The following CD68 variants were observed in gnomAD, a reference collection of about 807,000 sequenced individuals.
CD68 encodes the protein macrosialin.
A neutral mutation model predicts 31.3 loss-of-function variants in CD68; 24 were observed. That is an observed-to-expected ratio of 0.77 (90% CI 0.55 to 1.08). The LOEUF (loss-of-function observed/expected upper bound fraction) is 1.08. Ranked by LOEUF, CD68 falls within the 50% of genes least tolerant of loss-of-function variation. The pLI is 0.00. For missense variants in CD68, 461 were observed against 442.5 expected (o/e 1.04, Z -0.38); for synonymous variants, 190 against 179.6 (o/e 1.06, Z -0.46).
At position 7,582,096 on chromosome 17, in the gene CD68, C is replaced by T; in HGVS notation, c.*585C>T. 2 of 584,464 alleles carry T rather than the reference C, an allele frequency of 3.4e-6. No individual in the cohort carries two copies. Among genetic ancestry groups the T allele is most frequent in the Non-Finnish European group, 4.2e-6 (2 of 476,520 alleles). The allele number at this position is 584,464 out of a possible 1,614,324, so 36.2% of individuals were successfully genotyped here. ...TCCTTGTCCTGCCAGGATTAAAAGC[C>T]ATGAGTTTCTTGTCACATGCCTTTC... On this transcript the variant is annotated 3_prime_UTR_variant, in exon 6 of 6. Coordinates refer to ENST00000250092, the MANE Select transcript of CD68 (RefSeq NM_001251.3).
chr17:7,581,551 TGTG>T lies in CD68; in HGVS notation c.*45_*47del. On this transcript the variant is annotated 3_prime_UTR_variant, in exon 6 of 6. Transcript: ENST00000250092. ...CCCCAGGGCACTGAGGGGGTTGGGG[TGTG>T]GTGGGGGGGTACCCTTATTTCCTCG... 1 of 1,606,104 alleles carries T rather than the reference TGTG, an allele frequency of 6.2e-7. No homozygotes were observed. Among genetic ancestry groups the T allele is most frequent in the South Asian group, 1.1e-5 (1 of 90,942 alleles).
Position 7,580,071 on chromosome 17 carries a change from C to T in CD68, c.311C>T (p.Pro104Leu), listed in dbSNP as rs1343936950. 6.2e-7 allele frequency: 1 copy of T among 1,613,858 alleles called. No individual in the cohort carries two copies. The highest frequency in any genetic ancestry group is 1.7e-5 in the Admixed American group (1 of 59,972). The change falls in exon 2 of 6, where the codon CCC becomes CTC. Residue 104 changes from proline (P) to leucine (L), a missense_variant. Transcript: ENST00000250092. This position sits in a 1 kb window ranked among gnomAD's most constrained non-coding sequence, Gnocchi z 4.3. ...TSNSTATSQG[P>L]STATHSPATT... Reference sequence around the variant, plus strand: ...AATAGCACTGCCACCAGCCAGGGACCCTCAACTGCCACTCACAGTCCTGCC... The same window carrying T: ...AATAGCACTGCCACCAGCCAGGGACTCTCAACTGCCACTCACAGTCCTGCC...
At position 7,580,019 on chromosome 17, in the gene CD68, G is replaced by A. The variant is rs536221420; in HGVS notation, c.259G>A (p.Gly87Arg). The change falls in exon 2 of 6, where the codon GGA (glycine) becomes AGA (arginine). Residue 87 changes from glycine (G) to arginine (R), a missense_variant. Gly to Arg is a moderately radical substitution (Grantham distance 125). Coordinates refer to ENST00000250092, the MANE Select transcript of CD68 (RefSeq NM_001251.3). This position sits in a 1 kb window ranked among gnomAD's most constrained non-coding sequence, Gnocchi z 4.3. ...TCACAACCCCACCACCACCAGCCATGGAAACGTCACAGTTCATCCAACAAG... is the reference window on the plus strand; with the variant it reads ...TCACAACCCCACCACCACCAGCCATAGAAACGTCACAGTTCATCCAACAAG... The part of the protein sequence containing the change: ...ATHNPTTTSH[G>R]NVTVHPTSNS... 4.7e-5 allele frequency: 76 copies of A among 1,613,344 alleles called. No individual in the cohort carries two copies. The South Asian group carries it at 7.8e-4, about 17-fold the overall frequency.
chr17:7,580,431 C>T lies in CD68; in HGVS notation c.568-35C>T, dbSNP rs779100161. The T allele has an allele frequency of 6.8e-6, 11 of 1,612,560 alleles. No individual in the cohort carries two copies. The highest frequency in any genetic ancestry group is 8.5e-6 in the Non-Finnish European group (10 of 1,178,978). ...AGGGAACCTTGGCCGGCATCGCATG[C>T]AGTCTTGTGACCTTCCAGTCTTTAA... is the stretch of plus-strand genomic sequence containing the variant. On this transcript the variant is annotated intron_variant, in intron 2 of 5. Coordinates refer to ENST00000250092, the MANE Select transcript of CD68 (RefSeq NM_001251.3). The surrounding 1 kb of genome is among the most constrained non-coding windows in gnomAD (Gnocchi z 4.3).
chr17:7,581,402 C>T lies in CD68; in HGVS notation c.956C>T (p.Ser319Phe). 1 of 1,614,162 alleles carries T rather than the reference C, an allele frequency of 6.2e-7. No homozygotes were observed. The highest frequency in any genetic ancestry group is 8.5e-7 in the Non-Finnish European group (1 of 1,180,020). ...GQSFSCPSDRSILLPLIIGLI... is the reference protein window; with the variant it reads ...GQSFSCPSDRFILLPLIIGLI... ...GGTTTCTCCTGCCCCAGTGACCGGTCCATCTTGCTGCCTCTCATCATCGGC... is the reference window on the plus strand; with the variant it reads ...GGTTTCTCCTGCCCCAGTGACCGGTTCATCTTGCTGCCTCTCATCATCGGC... Residue 319 changes from serine to phenylalanine, a missense_variant, in exon 6 of 6, where the codon TCC (serine) becomes TTC (phenylalanine). By Grantham distance (155) the Ser-to-Phe change is radical (BLOSUM62 -2). Transcript: ENST00000250092.
chr17:7,579,845 T>C lies in CD68; in HGVS notation c.85T>C (p.Ser29Pro). 6.2e-7 allele frequency: 1 copy of C among 1,613,698 alleles called. No individual in the cohort carries two copies. The highest frequency in any genetic ancestry group is 8.5e-7 in the Non-Finnish European group (1 of 1,179,880). ...GTGNDCPHKKSATLLPSFTVT... is the reference protein window; with the variant it reads ...GTGNDCPHKKPATLLPSFTVT... ...AGGGAATGACTGTCCTCACAAAAAA[T>C]CAGCTACTTTGCTGCCATCCTTCAC... The change falls in exon 2 of 6, where the codon TCA (serine) becomes CCA (proline). Residue 29 changes from serine (S) to proline (P), a missense_variant. By Grantham distance (74) the Ser-to-Pro change is moderately conservative (BLOSUM62 -1). Transcript: ENST00000250092.
Position 7,580,005 on chromosome 17 carries a change from C to T in CD68, c.245C>T (p.Thr82Ile). 6.2e-7 allele frequency: 1 copy of T among 1,609,224 alleles called. No individual in the cohort carries two copies. The highest frequency in any genetic ancestry group is 8.5e-7 in the Non-Finnish European group (1 of 1,175,950). The change falls in exon 2 of 6, where the codon ACC becomes ATC. Residue 82 changes from threonine (T) to isoleucine (I), a missense_variant. By Grantham distance (89) the Thr-to-Ile change is moderately conservative (BLOSUM62 -1). Transcript: ENST00000250092. This position sits in a 1 kb window ranked among gnomAD's most constrained non-coding sequence, Gnocchi z 4.3. ...HGPTTATHNPTTTSHGNVTVH... is the reference protein window; with the variant it reads ...HGPTTATHNPITTSHGNVTVH... The stretch of plus-strand genomic sequence containing the variant: ...CCCACGACTGCCACTCACAACCCCA[C>T]CACCACCAGCCATGGAAACGTCACA...
In CD68 at chr17:7,582,080, T is replaced by C. The variant is rs1241489744; in HGVS notation, c.*569T>C. On this transcript the variant is annotated 3_prime_UTR_variant, in exon 6 of 6. Coordinates refer to ENST00000250092, the MANE Select transcript of CD68 (RefSeq NM_001251.3). ...ATCTTTGACGGGGTTTTCCTTGTCC[T>C]GCCAGGATTAAAAGCCATGAGTTTC... 3 of 401,994 alleles carry C rather than the reference T, an allele frequency of 7.5e-6. No individual in the cohort carries two copies. The highest frequency in any genetic ancestry group is 9.7e-6 in the Non-Finnish European group (3 of 310,830). 24.9% of individuals were successfully genotyped at this position (401,994 alleles called of 1,614,324 possible).
rs543602873 is a variant in CD68, at chr17:7,579,692, G to C, written c.15G>C (p.Val5=). MRLA[V]LFSGALLGLL... ...GCGGTTCAGCCATGAGGCTGGCTGT[G>C]CTTTTCTCGGGGGCCCTGCTGGGGC... Residue 5 remains valine, a synonymous_variant, in exon 1 of 6, where the codon GTG becomes GTC. Coordinates refer to ENST00000250092, the MANE Select transcript of CD68 (RefSeq NM_001251.3). 5 of 1,604,202 alleles carry C rather than the reference G, an allele frequency of 3.1e-6. No individual in the cohort carries two copies. In the Admixed American group the frequency reaches 8.7e-5, roughly 28 times the overall value.
Position 7,579,820 on chromosome 17 carries a change from A to G in CD68, c.60A>G (p.Thr20=). 6.2e-7 allele frequency: 1 copy of G among 1,613,312 alleles called. No individual in the cohort carries two copies. The highest frequency in any genetic ancestry group is 1.1e-5 in the South Asian group (1 of 91,026). Residue 20 remains threonine, a synonymous_variant, in exon 2 of 6, where the codon ACA becomes ACG. Coordinates refer to ENST00000250092, the MANE Select transcript of CD68 (RefSeq NM_001251.3). ...CCTCTCTGCCAAAAGCCCAGGGGAC[A>G]GGGAATGACTGTCCTCACAAAAAAT... ...ALLGLLAAQG[T]GNDCPHKKSA...
chr17:7,581,087 C>T (rs1411284173), intron 5 of CD68, 21 bp downstream of exon 5: 1 of 1,604,016 alleles, frequency 6.2e-7, no homozygotes, highest in Admixed American at 1.7e-5. Flanking sequence ...CCTACTCCTT[C>T]CCTCCTAGAA....
chr17:7,581,544 G>GT lies in CD68; in HGVS notation c.*35dup. ...CTTCAAACCCCAGGGCACTGAGGGG[G>GT]TTGGGGTGTGGTGGGGGGGTACCCT... is the stretch of plus-strand genomic sequence containing the variant. On this transcript the variant is annotated 3_prime_UTR_variant, in exon 6 of 6. Transcript: ENST00000250092. 6.2e-7 allele frequency: 1 copy of GT among 1,601,694 alleles called. No individual in the cohort carries two copies. Among genetic ancestry groups the GT allele is most frequent in the East Asian group, 2.2e-5 (1 of 44,750 alleles).
In CD68 at chr17:7,580,120, G is replaced by A. The variant is rs766909878; in HGVS notation, c.360G>A (p.Thr120=). 8 of 1,613,838 alleles carry A rather than the reference G, an allele frequency of 5.0e-6. No individual in the cohort carries two copies. In the Admixed American group the frequency reaches 5.0e-5, roughly 10 times the overall value. Residue 120 remains threonine, a synonymous_variant, in exon 2 of 6, where the codon ACG becomes ACA. Coordinates refer to ENST00000250092, the MANE Select transcript of CD68 (RefSeq NM_001251.3). The surrounding 1 kb of genome is among the most constrained non-coding windows in gnomAD (Gnocchi z 4.3). ...SPATTSHGNA[T]VHPTSNSTAT... is the part of the protein sequence containing the mutation. ...CCACCACTAGTCATGGAAATGCCAC[G>A]GTTCATCCAACAAGCAACAGCACTG...
Position 7,579,883 on chromosome 17 carries a change from G to A in CD68, c.123G>A (p.Thr41=), listed in dbSNP as rs1286783763. The change falls in exon 2 of 6, where the codon ACG becomes ACA. Residue 41 remains threonine, a synonymous_variant. Coordinates refer to ENST00000250092, the MANE Select transcript of CD68 (RefSeq NM_001251.3). ...TLLPSFTVTP[T]VTESTGTTSH... is the part of the protein sequence containing the mutation. ...TGCCATCCTTCACGGTGACACCCAC[G>A]GTTACAGAGAGCACTGGAACAACCA... The A allele has an allele frequency of 6.2e-6, 10 of 1,613,958 alleles. No individual in the cohort carries two copies. The highest frequency in any genetic ancestry group is 2.2e-5 in the East Asian group (1 of 44,878).
intron 5 of CD68, 151 bp downstream of exon 5, chr17:7,581,217 T>C (rs946060752): frequency 2.6e-6 from 3 of 1,151,504 alleles, no homozygotes; most frequent in Admixed American, 1.9e-5. Context: ...CTTTCCATCC[T>C]CTACAAGACT....
Position 7,579,960 on chromosome 17 carries a change from C to T in CD68, c.200C>T (p.Thr67Ile). The T allele has an allele frequency of 1.9e-6, 3 of 1,614,012 alleles. No homozygotes were observed. Among genetic ancestry groups the T allele is most frequent in the Admixed American group, 1.7e-5 (1 of 59,980 alleles). The stretch of plus-strand genomic sequence containing the variant: ...ACCACCACTCACAGGACAACCACCA[C>T]AGGCACCACCAGCCACGGACCCACG... Reference protein sequence around the residue: ...HKTTTHRTTTTGTTSHGPTTA... With the variant: ...HKTTTHRTTTIGTTSHGPTTA... The change falls in exon 2 of 6, where the codon ACA becomes ATA. Residue 67 changes from threonine (T) to isoleucine (I), a missense_variant. Transcript: ENST00000250092.
Position 7,581,659 on chromosome 17 carries a change from T to C in CD68, c.*148T>C, listed in dbSNP as rs2071487205. 4.7e-6 allele frequency: 4 copies of C among 847,028 alleles called. No homozygotes were observed. Among genetic ancestry groups the C allele is most frequent in the South Asian group, 1.7e-5 (1 of 59,914 alleles). 52.5% of individuals were successfully genotyped at this position (847,028 alleles called of 1,614,324 possible). On this transcript the variant is annotated 3_prime_UTR_variant, in exon 6 of 6. Coordinates refer to ENST00000250092, the MANE Select transcript of CD68 (RefSeq NM_001251.3). Reference sequence around the variant, plus strand: ...AAAGAAAGCCGGGCATGACGGCTCATGCCTGTAATCCCAGCACTTTGGGAG... The same window carrying C: ...AAAGAAAGCCGGGCATGACGGCTCACGCCTGTAATCCCAGCACTTTGGGAG...
rs1365257823 is a variant in CD68, at chr17:7,580,743, C to T, written c.720C>T (p.Tyr240=). Reference sequence around the variant, plus strand: ...AGCAGAAGGTTGTCTACCTGAGCTACATGGCGGTGGAGTACAATGTGTCCT... The same window carrying T: ...AGCAGAAGGTTGTCTACCTGAGCTATATGGCGGTGGAGTACAATGTGTCCT... ...DLQQKVVYLS[Y]MAVEYNVSFP... Residue 240 remains tyrosine (Y), a synonymous_variant, in exon 4 of 6, where the codon TAC becomes TAT. Transcript: ENST00000250092. This position sits in a 1 kb window ranked among gnomAD's most constrained non-coding sequence, Gnocchi z 4.3. 8.7e-6 allele frequency: 14 copies of T among 1,614,126 alleles called. No homozygotes were observed. Among genetic ancestry groups the T allele is most frequent in the Non-Finnish European group, 1.2e-5 (14 of 1,180,020 alleles).
Position 7,580,038 on chromosome 17 carries a change from C to T in CD68, c.278C>T (p.Pro93Leu). ...AGCCATGGAAACGTCACAGTTCATC[C>T]AACAAGCAATAGCACTGCCACCAGC... ...TTSHGNVTVH[P>L]TSNSTATSQG... is the part of the protein sequence containing the mutation. The change falls in exon 2 of 6, where the codon CCA (proline) becomes CTA (leucine). Residue 93 changes from proline to leucine, a missense_variant. Transcript: ENST00000250092. The surrounding 1 kb of genome is among the most constrained non-coding windows in gnomAD (Gnocchi z 4.3). 1 of 1,613,980 alleles carries T rather than the reference C, an allele frequency of 6.2e-7. No individual in the cohort carries two copies. Among genetic ancestry groups the T allele is most frequent in the Non-Finnish European group, 8.5e-7 (1 of 1,179,950 alleles).
Sources: gnomAD v4.1 joint callset for allele counts on GRCh38, gnomAD v4.1.1 for gene constraint, Gnocchi (gnomAD v3.1) non-coding constraint, MANE v1.5 for transcripts, NCBI Gene and HGNC (gene_info 2026-07-23, HGNC 2026-07-21) for gene names.